The following PALLD variants were observed in gnomAD, a reference collection of about 807,000 sequenced individuals.
The protein encoded by PALLD is palladin, cytoskeletal associated protein.
A neutral mutation model predicts 123.5 loss-of-function variants in PALLD; 61 were observed. That is an observed-to-expected ratio of 0.49 (90% CI 0.40 to 0.61). The LOEUF is 0.61. PALLD is among the 20% of genes least tolerant of loss of function. The pLI, the probability that PALLD is intolerant of heterozygous loss-of-function variation, is 0.00. For synonymous variants in PALLD, 465 were observed against 496.4 expected (o/e 0.94, Z 0.84); for missense variants, 1,273 against 1,377.0 (o/e 0.92, Z 1.20).
intron 10 of PALLD, among the ~76,000 whole-genome samples, chr4:168,807,264 T>C (rs1328423357): frequency 6.7e-6 from 1 of 148,272 alleles, no homozygotes; most frequent in Non-Finnish European, 1.5e-5. Context: ...AAGCTATGAG[T>C]ACACACACAC....
intron 17 of PALLD, among the ~76,000 whole-genome samples, chr4:168,918,464 T>A (rs1760724784): frequency 6.6e-6 from 1 of 152,140 alleles, no homozygotes; most frequent in Admixed American, 6.5e-5. Flanking sequence ...GGATCTTACT[T>A]ATATGTGCAA....
intron 1 of PALLD, among the ~76,000 whole-genome samples, chr4:168,500,801 T>C (rs1481869618): frequency 6.6e-6 from 1 of 152,192 alleles, no homozygotes; most frequent in East Asian, 1.9e-4. Flanking sequence ...ATTTTTAAAT[T>C]TGTCTATTTT....
chr4:168,508,534 C>A (rs1473045046), intron 1 of PALLD, among the ~76,000 whole-genome samples: 1 of 152,106 alleles, frequency 6.6e-6, no homozygotes, highest in Non-Finnish European at 1.5e-5. Flanking sequence ...GGTTTTGTTG[C>A]AATTATTTCC....
At chr4:168,510,135 C>T (rs866655959) in intron 1 of PALLD, among the ~76,000 whole-genome samples, 5 of 152,152 alleles carry the variant, frequency 3.3e-5, no homozygotes, top group Admixed American at 6.5e-5. Flanking sequence ...CAGACATCAC[C>T]GCTGATGTTT....
At chr4:168,685,453 A>G (rs778918653) in intron 5 of PALLD, 32 bp from the exon 6 acceptor site, 49 of 1,425,780 alleles carry the variant, frequency 3.4e-5, no homozygotes, top group East Asian at 6.8e-5. Flanking sequence ...TTATATATTT[A>G]GAATTTGATC....
intron 5 of PALLD, among the ~76,000 whole-genome samples, chr4:168,684,778 G>A (rs1477568820): frequency 6.6e-6 from 1 of 152,132 alleles, no homozygotes; most frequent in Non-Finnish European, 1.5e-5. Context: ...AATTCTTCAT[G>A]ATGTCCTGTG....
chr4:168,827,665 G>C (rs1022251588), intron 10 of PALLD, among the ~76,000 whole-genome samples: 1 of 152,192 alleles, frequency 6.6e-6, no homozygotes, highest in African/African-American at 2.4e-5. Flanking sequence ...TGCAAAGGTA[G>C]CAAGTACAAT....
At chr4:168,680,207 G>A (rs1220759869) in intron 3 of PALLD, among the ~76,000 whole-genome samples, 7 of 151,986 alleles carry the variant, frequency 4.6e-5, no homozygotes, top group African/African-American at 1.5e-4. Context: ...GCCATGTGCG[G>A]TGGCTCACGC....
intron 2 of PALLD, among the ~76,000 whole-genome samples, chr4:168,535,925 C>T (rs1188858221): frequency 1.3e-5 from 2 of 152,158 alleles, no homozygotes; most frequent in African/African-American, 4.8e-5. Context: ...TTAATAATCA[C>T]ATAAGCAACG....
chr4:168,809,487 A>C (rs1435568893), intron 10 of PALLD, among the ~76,000 whole-genome samples: 1 of 152,170 alleles, frequency 6.6e-6, no homozygotes, highest in Non-Finnish European at 1.5e-5. Flanking sequence ...GGCCATAAGA[A>C]AGAAGAAATG....
intron 7 of PALLD, 69 bp downstream of exon 7, chr4:168,690,813 G>C: frequency 6.8e-7 from 1 of 1,470,138 alleles, no homozygotes; most frequent in East Asian, 2.3e-5. Context: ...AAACCAAGAA[G>C]GGCTAAGTCA....
chr4:168,504,578 A>G (rs906644950), intron 1 of PALLD, among the ~76,000 whole-genome samples: 2 of 135,014 alleles, frequency 1.5e-5, no homozygotes, highest in African/African-American at 5.6e-5. Context: ...TGGGCGACAA[A>G]GCAAGACTCC....
At chr4:168,670,775 C>CAAAAAAAAAAAAAAAAAAAAAAAAAAA (rs112589264) in intron 3 of PALLD, among the ~76,000 whole-genome samples, 2 of 100,214 alleles carry the variant, frequency 2.0e-5, no homozygotes, top group African/African-American at 4.0e-5. Context: ...CAAAAAAAAA[C>CAAAAAAAAAAAAAAAAAAAAAAAAAAA]AAAAAAAAAA....
intron 2 of PALLD, among the ~76,000 whole-genome samples, chr4:168,527,891 G>C (rs932716595): frequency 6.6e-6 from 1 of 152,152 alleles, no homozygotes; most frequent in Non-Finnish European, 1.5e-5. Flanking sequence ...CTATGGGCTT[G>C]CCTTGGCCCT....
intron 3 of PALLD, among the ~76,000 whole-genome samples, chr4:168,672,985 A>C (rs961578899): frequency 2.0e-4 from 31 of 152,268 alleles, no homozygotes; most frequent in Non-Finnish European, 5.9e-5. Context: ...TAAAATCCAA[A>C]TAAACTCATC....
At chr4:168,779,254 T>G (rs1443437421) in intron 10 of PALLD, among the ~76,000 whole-genome samples, 2 of 152,220 alleles carry the variant, frequency 1.3e-5, no homozygotes, top group African/African-American at 4.8e-5. Flanking sequence ...CATCAGTGCT[T>G]CTTCTCTTAC....
At chr4:168,581,928 T>G (rs1007122833) in intron 2 of PALLD, among the ~76,000 whole-genome samples, 1 of 152,120 alleles carries the variant, frequency 6.6e-6, no homozygotes, top group Non-Finnish European at 1.5e-5. Context: ...TTAGTTGACC[T>G]TGTATGTGGA....
intron 10 of PALLD, among the ~76,000 whole-genome samples, chr4:168,717,027 C>A (rs960314093): frequency 6.6e-6 from 1 of 152,176 alleles, no homozygotes; most frequent in African/African-American, 2.4e-5. Context: ...TCTAAAGCAG[C>A]CACCCAGCCA....
At chr4:168,827,024 C>T (rs1302955643) in intron 10 of PALLD, among the ~76,000 whole-genome samples, 3 of 152,258 alleles carry the variant, frequency 2.0e-5, no homozygotes, top group Middle Eastern at 3.4e-3. Context: ...TTTTGTTTAT[C>T]GTAGCGTGGC....
Sources: gnomAD v4.1 joint callset for allele counts (sites outside exome capture counted in the v4.1 genomes callset) on GRCh38, gnomAD v4.1.1 for gene constraint, MANE v1.5 for transcripts, NCBI Gene and HGNC (gene_info 2026-07-23, HGNC 2026-07-21) for gene names.